ABLIM2: variants seen among roughly 807,000 people sequenced by gnomAD.
The protein encoded by ABLIM2 is actin binding LIM protein family member 2, also known as actin-binding LIM protein 2.
A neutral mutation model predicts 97.7 loss-of-function variants in ABLIM2; 53 were observed. The observed-to-expected ratio is 0.54, with a 90% confidence interval of 0.44 to 0.68. The LOEUF (loss-of-function observed/expected upper bound fraction) is 0.68. ABLIM2 is among the 30% of genes least tolerant of loss of function. The pLI is 0.00. For missense variants in ABLIM2, 835 were observed against 867.2 expected, an observed-to-expected ratio of 0.96 and a Z score of 0.47; for synonymous variants, 361 against 345.8, an observed-to-expected ratio of 1.04 and a Z score of -0.49.
chr4:8,106,069 G>A (rs2152747316), intron 2 of ABLIM2, among the ~76,000 whole-genome samples: 1 of 152,356 alleles, frequency 6.6e-6, no homozygotes, highest in South Asian at 2.1e-4. Context: ...TGTTCGCAGT[G>A]CTACTTCGGG....
Position 8,095,479 on chromosome 4 carries a change from T to G in ABLIM2, c.338+1620A>C, listed in dbSNP as rs1003722833. On this transcript the variant is annotated intron_variant, in intron 3 of 20. Transcript: ENST00000447017. This position sits in a 1 kb window ranked among gnomAD's most constrained non-coding sequence, Gnocchi z 4.7. ...TTGAATGCTGGATTTTTAAAAATCT[T>G]CTTGTGAAAAGTGTTGGGCTTTGCT... is the stretch of plus-strand genomic sequence containing the variant. Among the ~76,000 whole-genome samples, 2 of 152,214 alleles carry G rather than the reference T, an allele frequency of 1.3e-5. No homozygotes were observed. Among genetic ancestry groups the G allele is most frequent in the African/African-American group, 4.8e-5 (2 of 41,450 alleles).
intron 2 of ABLIM2, among the ~76,000 whole-genome samples, chr4:8,101,270 G>A (rs968400478): frequency 1.3e-5 from 2 of 152,222 alleles, no homozygotes; most frequent in Non-Finnish European, 2.9e-5. Context: ...ACAGGGGGAT[G>A]AGGCAGACGT....
Position 8,083,985 on chromosome 4 carries a change from G to A in ABLIM2, c.455-3183C>T, listed in dbSNP as rs1275220096. Among the ~76,000 whole-genome samples the A allele has an allele frequency of 2.0e-5, 3 of 152,116 alleles. No individual in the cohort carries two copies. Among genetic ancestry groups the A allele is most frequent in the Non-Finnish European group, 4.4e-5 (3 of 68,002 alleles). Reference sequence around the variant, plus strand: ...CCTCAGCTGGAGCTCAGGGGGTGCAGGTGCAGGAGCCAGACCCCCTCTGCA... The same window carrying A: ...CCTCAGCTGGAGCTCAGGGGGTGCAAGTGCAGGAGCCAGACCCCCTCTGCA... On this transcript the variant is annotated intron_variant, in intron 4 of 20. Transcript: ENST00000447017. The surrounding 1 kb of genome is among the most constrained non-coding windows in gnomAD (Gnocchi z 4.6).
intron 8 of ABLIM2, among the ~76,000 whole-genome samples, chr4:8,050,340 C>A (rs1264391815): frequency 6.6e-6 from 1 of 152,174 alleles, no homozygotes. Flanking sequence ...GGCAGCCATG[C>A]GATCAGGGCC....
intron 20 of ABLIM2, among the ~76,000 whole-genome samples, chr4:7,980,552 T>C (rs1014757034): frequency 4.6e-5 from 7 of 151,848 alleles, no homozygotes; most frequent in African/African-American, 1.2e-4. Context: ...CCATCTCTAC[T>C]AAAAATAAAA....
At chr4:8,035,515 G>A (rs978831364) in intron 10 of ABLIM2, among the ~76,000 whole-genome samples, 1 of 152,224 alleles carries the variant, frequency 6.6e-6, no homozygotes, top group Non-Finnish European at 1.5e-5. Context: ...GCCTGGCAAC[G>A]CCTCCTCCTA....
intron 20 of ABLIM2, 63 bp downstream of exon 20, chr4:7,983,201 G>T (rs1247877790): frequency 2.5e-5 from 38 of 1,518,486 alleles, no homozygotes; most frequent in Non-Finnish European, 3.3e-5. Context: ...CACCACGGAG[G>T]AGGCATCTGC....
chr4:8,143,496 C>T (rs1254792431), intron 1 of ABLIM2, among the ~76,000 whole-genome samples: 3 of 152,114 alleles, frequency 2.0e-5, no homozygotes, highest in African/African-American at 4.8e-5. Flanking sequence ...TCCCTCCCAT[C>T]TCGGGGGCTC....
chr4:8,141,890 A>G (rs1851035992), intron 1 of ABLIM2, among the ~76,000 whole-genome samples: 1 of 152,190 alleles, frequency 6.6e-6, no homozygotes, highest in South Asian at 2.1e-4. Flanking sequence ...TTGAGTAGAG[A>G]GCGAATACAT....
chr4:7,974,236 C>G (rs987379883), intron 20 of ABLIM2, among the ~76,000 whole-genome samples: 73 of 151,448 alleles, frequency 4.8e-4, no homozygotes, highest in African/African-American at 1.6e-3. Flanking sequence ...TCCACTCATC[C>G]ATCTATCCAT....
At position 7,996,419 on chromosome 4, in the gene ABLIM2, C is replaced by T. The variant is rs1351489553; in HGVS notation, c.1619-3492G>A. ...TGCCAGGTTCCCAGTGCCCAGGCTG[C>T]CGCCGACCGGTCTCAACTTTTAACC... On this transcript the variant is annotated intron_variant, in intron 16 of 20. Coordinates refer to ENST00000447017, the MANE Select transcript of ABLIM2 (RefSeq NM_001130083.2). This position sits in a 1 kb window ranked among gnomAD's most constrained non-coding sequence, Gnocchi z 4.5. Among the ~76,000 whole-genome samples the T allele has an allele frequency of 6.6e-6, 1 of 152,194 alleles. No individual in the cohort carries two copies. Among genetic ancestry groups the T allele is most frequent in the Non-Finnish European group, 1.5e-5 (1 of 68,030 alleles).
rs1251860078 is a variant in ABLIM2, at chr4:8,122,400, T to C, written c.11-15763A>G. ...TGGTGGCTTAAAAGACTGACACTTA[T>C]CTCCCACAGTTCTGGAGCCTAAGAG... On this transcript the variant is annotated intron_variant, in intron 1 of 20. Coordinates refer to ENST00000447017, the MANE Select transcript of ABLIM2 (RefSeq NM_001130083.2). This position sits in a 1 kb window ranked among gnomAD's most constrained non-coding sequence, Gnocchi z 4.1. Among the ~76,000 whole-genome samples, 2 of 152,198 alleles carry C rather than the reference T, an allele frequency of 1.3e-5. No individual in the cohort carries two copies. Among genetic ancestry groups the C allele is most frequent in the Non-Finnish European group, 2.9e-5 (2 of 68,026 alleles).
rs1447647993 is a variant in ABLIM2, at chr4:8,058,436, A to C, written c.763+2531T>G. ...TGAGGTCATTCAACAGCCCGCAGGC[A>C]CCTGCACGGCAGACGCTCTGACAGC... On this transcript the variant is annotated intron_variant, in intron 7 of 20. Coordinates refer to ENST00000447017, the MANE Select transcript of ABLIM2 (RefSeq NM_001130083.2). The surrounding 1 kb of genome is among the most constrained non-coding windows in gnomAD (Gnocchi z 4.2). 6.6e-6 allele frequency among the ~76,000 whole-genome samples: 1 copy of C among 152,224 alleles called. No individual in the cohort carries two copies. Among genetic ancestry groups the C allele is most frequent in the Non-Finnish European group, 1.5e-5 (1 of 68,044 alleles).
intron 20 of ABLIM2, among the ~76,000 whole-genome samples, chr4:7,980,754 T>C (rs1362555679): frequency 6.6e-6 from 1 of 151,530 alleles, no homozygotes; most frequent in Non-Finnish European, 1.5e-5. Flanking sequence ...CTGTCTCTTG[T>C]GGGGGAAATT....
intron 6 of ABLIM2, among the ~76,000 whole-genome samples, chr4:8,063,523 C>T (rs974114287): frequency 6.6e-6 from 1 of 152,246 alleles, no homozygotes; most frequent in Admixed American, 6.5e-5. Context: ...CCATAACAGG[C>T]ACAGAGAGGT....
rs969805668 is a variant in ABLIM2, at chr4:8,143,940, G to A, written c.10+14740C>T. On this transcript the variant is annotated intron_variant, in intron 1 of 20. Transcript: ENST00000447017. ...CCTGGTGTTGGTCTCCTCGGGGAGC[G>A]GCAGGTCCTCACCGAGGAAACTGGC... Among the ~76,000 whole-genome samples the A allele has an allele frequency of 5.3e-5, 8 of 152,236 alleles. No homozygotes were observed. The East Asian group carries it at 1.2e-3, about 22-fold the overall frequency.
At position 8,140,283 on chromosome 4, in the gene ABLIM2, A is replaced by C. The variant is rs1241793428; in HGVS notation, c.10+18397T>G. ...AAAATAAAATTAAGAAAAAAATACAAAACAAAAGCAATGCTCCCCATCTGG... is the reference window on the plus strand; with the variant it reads ...AAAATAAAATTAAGAAAAAAATACACAACAAAAGCAATGCTCCCCATCTGG... On this transcript the variant is annotated intron_variant, in intron 1 of 20. Coordinates refer to ENST00000447017, the MANE Select transcript of ABLIM2 (RefSeq NM_001130083.2). This position sits in a 1 kb window ranked among gnomAD's most constrained non-coding sequence, Gnocchi z 5.9. Among the ~76,000 whole-genome samples, 1 of 152,176 alleles carries C rather than the reference A, an allele frequency of 6.6e-6. No individual in the cohort carries two copies. The highest frequency in any genetic ancestry group is 2.4e-5 in the African/African-American group (1 of 41,430).
chr4:8,083,807 C>A lies in ABLIM2; in HGVS notation c.455-3005G>T, dbSNP rs1179995612. ...TCAGCTGGCCACGTGCCCGTACATC[C>A]TGGTTGGCACTGCCATCAGCAGCAA... On this transcript the variant is annotated intron_variant, in intron 4 of 20. Coordinates refer to ENST00000447017, the MANE Select transcript of ABLIM2 (RefSeq NM_001130083.2). This position sits in a 1 kb window ranked among gnomAD's most constrained non-coding sequence, Gnocchi z 4.6. 6.6e-6 allele frequency among the ~76,000 whole-genome samples: 1 copy of A among 152,228 alleles called. No individual in the cohort carries two copies. The highest frequency in any genetic ancestry group is 1.5e-5 in the Non-Finnish European group (1 of 68,040).
chr4:8,007,230 C>T, intron 16 of ABLIM2: 2 of 985,430 alleles, frequency 2.0e-6, no homozygotes, highest in Non-Finnish European at 2.4e-6. Context: ...CACACACATA[C>T]CCAGTTCCAG....
Sources: gnomAD v4.1 joint callset for allele counts (sites outside exome capture counted in the v4.1 genomes callset) on GRCh38, gnomAD v4.1.1 for gene constraint, Gnocchi (gnomAD v3.1) non-coding constraint, MANE v1.5 for transcripts, NCBI Gene and HGNC (gene_info 2026-07-23, HGNC 2026-07-21) for gene names.